The following AKAP11 variants were observed in gnomAD, a reference collection of about 807,000 sequenced individuals.
AKAP11 encodes A-kinase anchor protein 11.
AKAP11 carries 36 observed loss-of-function variants against 146.1 expected under a neutral mutation model. The observed-to-expected ratio is 0.25, with a 90% confidence interval of 0.19 to 0.33. AKAP11 has a LOEUF of 0.33. Among genes scored for constraint, AKAP11 ranks in the 10% least tolerant of loss-of-function variants. AKAP11 has a pLI of 1.00. For missense variants in AKAP11, 2,201 were observed against 2,197.0 expected, an observed-to-expected ratio of 1.00 and a Z score of -0.04; for synonymous variants, 780 against 786.5, an observed-to-expected ratio of 0.99 and a Z score of 0.14.
rs1960750176 is a variant in AKAP11 at position 42,314,981 on chromosome 13, GAAAGTCT to G, written c.5404+1044_5404+1050del. 3.3e-5 allele frequency among the ~76,000 whole-genome samples: 5 copies of G among 152,058 alleles called. No individual in the cohort carries two copies. In the South Asian group the frequency reaches 1.0e-3, roughly 31 times the overall value. ...TCAGGCGGTTGTTGAATTTTTTTCT[GAAAGTCT>G]AATTTTTTTCTTAATTTTGAAAATA... On this transcript the variant is annotated intron_variant, in intron 11 of 12. Coordinates refer to ENST00000025301, the MANE Select transcript of AKAP11 (RefSeq NM_016248.4).
intron 3 of AKAP11, among the ~76,000 whole-genome samples, chr13:42,289,615 C>G (rs548025297): frequency 6.6e-6 from 1 of 152,140 alleles, no homozygotes; most frequent in Non-Finnish European, 1.5e-5. Context: ...ACAGGATGAC[C>G]TAATTTCACC....
intron 1 of AKAP11, among the ~76,000 whole-genome samples, chr13:42,273,000 T>G (rs1958817174): frequency 6.6e-6 from 1 of 152,252 alleles, no homozygotes; most frequent in South Asian, 2.1e-4. Context: ...TTGTCTGTCT[T>G]CTAAAACCAT....
intron 5 of AKAP11, 56 bp downstream of exon 5, chr13:42,295,798 G>T: frequency 6.5e-7 from 1 of 1,532,758 alleles, no homozygotes; most frequent in Non-Finnish European, 9.0e-7. Context: ...ATCAGCTTTA[G>T]GTTTGACCAC....
Position 42,299,396 on chromosome 13 carries a change from A to G in AKAP11, c.650A>G (p.Asp217Gly), listed in dbSNP as rs1198997672. Residue 217 changes from aspartate to glycine, a missense_variant, in exon 8 of 13, where the codon GAT becomes GGT. Around this residue, in one of 3 missense-constraint regions of AKAP11, gnomAD observed 331 missense variants for 347.4 expected, o/e 0.95. Coordinates refer to ENST00000025301, the MANE Select transcript of AKAP11 (RefSeq NM_016248.4). ...MNITVLRSQC[D>G]AASQTVTGHH... Reference sequence around the variant, plus strand: ...ATTACTGTGCTAAGGAGCCAGTGTGATGCTGCTTCCCAGACGGTTACTGGT... The same window carrying G: ...ATTACTGTGCTAAGGAGCCAGTGTGGTGCTGCTTCCCAGACGGTTACTGGT... 6.2e-7 allele frequency: 1 copy of G among 1,613,618 alleles called. No individual in the cohort carries two copies. Among genetic ancestry groups the G allele is most frequent in the East Asian group, 2.2e-5 (1 of 44,886 alleles).
chr13:42,322,004 A>G lies in AKAP11; in HGVS notation c.*2776A>G, dbSNP rs1961107828. The G allele has an allele frequency of 6.6e-6, 1 of 152,286 alleles. No individual in the cohort carries two copies. Among genetic ancestry groups the G allele is most frequent in the Non-Finnish European group, 1.5e-5 (1 of 67,978 alleles). 9.4% of individuals were successfully genotyped at this position (152,286 alleles called of 1,614,324 possible). A position where few individuals can be genotyped will look rare whatever the true frequency, so the allele number is the denominator to read the frequency against. ...TTTTCCTAAACCAAGTTAAAATTACATGTATATTTTGGTGTTAAGGTTGAT... is the reference window on the plus strand; with the variant it reads ...TTTTCCTAAACCAAGTTAAAATTACGTGTATATTTTGGTGTTAAGGTTGAT... On this transcript the variant is annotated 3_prime_UTR_variant, in exon 13 of 13. Transcript: ENST00000025301.
chr13:42,295,632 C>G (rs1959467288), intron 4 of AKAP11, 63 bp from the exon 5 acceptor site: 3 of 1,474,642 alleles, frequency 2.0e-6, no homozygotes, highest in Non-Finnish European at 1.9e-6. Context: ...TTTGTCAGCT[C>G]TGTCACCAGC....
Position 42,297,020 on chromosome 13 carries a change from G to A in AKAP11, c.217-28G>A, listed in dbSNP as rs747135639. ...CTTAACAAAAGTGTTACTCTACAGTGTTACTTATTGTTATTATTTTAAATC... is the reference window on the plus strand; with the variant it reads ...CTTAACAAAAGTGTTACTCTACAGTATTACTTATTGTTATTATTTTAAATC... On this transcript the variant is annotated intron_variant, in intron 5 of 12. Coordinates refer to ENST00000025301, the MANE Select transcript of AKAP11 (RefSeq NM_016248.4). The A allele has an allele frequency of 3.8e-6, 6 of 1,576,576 alleles. No individual in the cohort carries two copies. The East Asian group carries it at 1.4e-4, about 37-fold the overall frequency.
At chr13:42,307,207 A>C (rs1411968426) in intron 8 of AKAP11, among the ~76,000 whole-genome samples, 2 of 152,200 alleles carry the variant, frequency 1.3e-5, no homozygotes, top group Admixed American at 1.3e-4. Context: ...TGGAATGCTC[A>C]GTATCATTCT....
At chr13:42,286,075 T>C (rs1052381979) in intron 2 of AKAP11, 40 bp downstream of exon 2, 8 of 223,974 alleles carry the variant, frequency 3.6e-5, no homozygotes, top group African/African-American at 1.8e-4. Flanking sequence ...AACCAAAATA[T>C]AAGATTTTTA....
In AKAP11 at chr13:42,317,589, A is replaced by G; in HGVS notation, c.5466A>G (p.Val1822=). The part of the protein sequence containing the change: ...ITNIDMEPCT[V]DPQLRIILQW... The stretch of plus-strand genomic sequence containing the variant: ...ATATTGACATGGAGCCATGCACGGT[A>G]GACCCCCAGCTAAGGATTATTCTTC... Residue 1822 remains valine, a synonymous_variant, in exon 12 of 13, where the codon GTA becomes GTG. Coordinates refer to ENST00000025301, the MANE Select transcript of AKAP11 (RefSeq NM_016248.4). 6.2e-7 allele frequency: 1 copy of G among 1,614,204 alleles called. No homozygotes were observed. Among genetic ancestry groups the G allele is most frequent in the South Asian group, 1.1e-5 (1 of 91,080 alleles).
At position 42,300,706 on chromosome 13, in the gene AKAP11, C is replaced by G; in HGVS notation, c.1960C>G (p.Leu654Val). 6.2e-7 allele frequency: 1 copy of G among 1,614,050 alleles called. No individual in the cohort carries two copies. Among genetic ancestry groups the G allele is most frequent in the Non-Finnish European group, 8.5e-7 (1 of 1,179,944 alleles). Residue 654 changes from leucine to valine, a missense_variant, in exon 8 of 13, where the codon CTT (leucine) becomes GTT (valine). Transcript: ENST00000025301. ...GTTTGCTGCAGATCTTGCTGAAGAG[C>G]TTGTTTTTGAAGGCATCATGGAGGT... ...ARFAADLAEE[L>V]VFEGIMEVCQ...
At chr13:42,286,143 C>T (rs1959163934) in intron 2 of AKAP11, 108 bp downstream of exon 2, 1 of 360,962 alleles carries the variant, frequency 2.8e-6, no homozygotes, top group Non-Finnish European at 5.0e-6. Context: ...AATATTCTTG[C>T]TGGATTGCAA....
chr13:42,305,667 A>G (rs1312074361), intron 8 of AKAP11, among the ~76,000 whole-genome samples: 1 of 152,242 alleles, frequency 6.6e-6, no homozygotes, highest in East Asian at 1.9e-4. Flanking sequence ...CCTTTGTGCT[A>G]TAATGGCAGA....
chr13:42,288,463 GT>G (rs1189914765), intron 3 of AKAP11, among the ~76,000 whole-genome samples: 2 of 152,166 alleles, frequency 1.3e-5, no homozygotes, highest in Admixed American at 1.3e-4. Flanking sequence ...TGATCATAAT[GT>G]TTCTTCACCC....
chr13:42,286,745 T>C (rs975521375), intron 3 of AKAP11, among the ~76,000 whole-genome samples: 12 of 152,230 alleles, frequency 7.9e-5, no homozygotes, highest in Non-Finnish European at 1.6e-4. Context: ...TGAGTTCTTA[T>C]AAGCCAGACC....
Position 42,292,392 on chromosome 13 carries a change from G to A in AKAP11, c.59G>A (p.Ser20Asn), listed in dbSNP as rs200104038. The part of the protein sequence containing the change: ...KTKASVRKSF[S>N]EDVFQSVKSL... ...GCTTTCTTTCCCCTGCAGAGCTTCAGTGAAGATGTGTTCCAGTCTGTAAAG... is the reference window on the plus strand; with the variant it reads ...GCTTTCTTTCCCCTGCAGAGCTTCAATGAAGATGTGTTCCAGTCTGTAAAG... The change falls in exon 4 of 13, where the codon AGT becomes AAT. Residue 20 changes from serine (S) to asparagine (N), a missense_variant. Physicochemically the swap from Ser to Asn is conservative, Grantham distance 46. Around this residue, in one of 3 missense-constraint regions of AKAP11, gnomAD observed 331 missense variants for 347.4 expected, o/e 0.95. Transcript: ENST00000025301. 2.1e-5 allele frequency: 32 copies of A among 1,558,716 alleles called. No individual in the cohort carries two copies. The East Asian group carries it at 6.6e-4, about 32-fold the overall frequency.
intron 3 of AKAP11, 81 bp downstream of exon 3, chr13:42,286,480 G>A (rs1277083288): frequency 1.5e-5 from 16 of 1,032,962 alleles, no homozygotes; most frequent in Admixed American, 5.3e-5. Flanking sequence ...CAGCTATGAT[G>A]TTTTGTTTAA....
rs1959920271 is a variant in AKAP11, at chr13:42,301,692, A to C, written c.2946A>C (p.Pro982=). Residue 982 remains proline (P), a synonymous_variant, in exon 8 of 13, where the codon CCA becomes CCC. Transcript: ENST00000025301. ...CTGGAGAAGAATCACAGTTGACACC[A>C]GAAAAGTCTCCCAAATTTCCTGACT... The part of the protein sequence containing the change: ...PVSGEESQLT[P]EKSPKFPDSQ... 6.2e-7 allele frequency: 1 copy of C among 1,614,094 alleles called. No homozygotes were observed. The highest frequency in any genetic ancestry group is 1.7e-5 in the Admixed American group (1 of 60,010).
At chr13:42,272,890 A>C (rs555474835) in intron 1 of AKAP11, among the ~76,000 whole-genome samples, 18 of 152,362 alleles carry the variant, frequency 1.2e-4, no homozygotes, top group Middle Eastern at 3.4e-3. Context: ...TTTATAAAAA[A>C]TATGTAGATG....
Sources: allele counts gnomAD v4.1 joint callset (sites outside exome capture counted in the v4.1 genomes callset), GRCh38; gene constraint gnomAD v4.1.1; regional missense constraint gnomAD v4.1.1; transcripts MANE v1.5; gene names NCBI Gene and HGNC (gene_info 2026-07-23, HGNC 2026-07-21).